Variants in TM7SF3 observed in about 807,000 individuals in gnomAD.
TM7SF3 encodes the protein seven span transmembrane protein.
In TM7SF3, 60 loss-of-function variants were observed where a neutral mutation model predicts 65.5. That is an observed-to-expected ratio of 0.92 (90% confidence interval 0.74 to 1.14). TM7SF3 has a LOEUF of 1.14. TM7SF3 is among the 50% of genes most tolerant of loss of function. The pLI, the probability that TM7SF3 is intolerant of heterozygous loss-of-function variation, is 0.00. For missense variants in TM7SF3, 623 were observed against 684.8 expected (o/e 0.91, Z 1.01); for synonymous variants, 264 against 259.6 (o/e 1.02, Z -0.16).
At chr12:27,009,516 A>G (rs1196890704) in intron 1 of TM7SF3, among the ~76,000 whole-genome samples, 1 of 152,016 alleles carries the variant, frequency 6.6e-6, no homozygotes, top group Non-Finnish European at 1.5e-5. Flanking sequence ...AGAATACGTA[A>G]TGTTTCTTGA....
Position 27,012,771 on chromosome 12 carries a change from G to A in TM7SF3, c.91+1307C>T, listed in dbSNP as rs762775206. ...TCCCAGCACTCTGGGAGGCCAAGGCGGGCAGATCACGAGGTCAGGAGTTCG... is the reference window on the plus strand; with the variant it reads ...TCCCAGCACTCTGGGAGGCCAAGGCAGGCAGATCACGAGGTCAGGAGTTCG... On this transcript the variant is annotated intron_variant, in intron 1 of 11. Coordinates refer to ENST00000343028, the MANE Select transcript of TM7SF3 (RefSeq NM_016551.3). 1.1e-4 allele frequency: 51 copies of A among 455,020 alleles called. 1 individual carries two copies. Among genetic ancestry groups the A allele is most frequent in the South Asian group, 6.7e-4 (43 of 64,450 alleles). 28.2% of individuals were successfully genotyped at this position (455,020 alleles called of 1,614,324 possible). A position where few individuals can be genotyped will look rare whatever the true frequency, so the allele number is the denominator to read the frequency against.
At chr12:26,989,668 T>TACACACACACACAC (rs144274236) in intron 6 of TM7SF3, among the ~76,000 whole-genome samples, 1 of 150,244 alleles carries the variant, frequency 6.7e-6, no homozygotes, top group African/African-American at 2.4e-5. Context: ...AACTGCTAAA[T>TACACACACACACAC]ACACACACAC....
intron 1 of TM7SF3, among the ~76,000 whole-genome samples, chr12:27,003,996 T>C (rs1940935287): frequency 6.6e-6 from 1 of 152,162 alleles, no homozygotes; most frequent in Non-Finnish European, 1.5e-5. Flanking sequence ...CACATAAAAT[T>C]GTGAACCACA....
chr12:27,000,603 G>A (rs1184264534), intron 2 of TM7SF3, among the ~76,000 whole-genome samples: 6 of 152,018 alleles, frequency 3.9e-5, no homozygotes, highest in Non-Finnish European at 8.8e-5. Context: ...GGGACTACAG[G>A]CGCCTGCCAC....
intron 6 of TM7SF3, among the ~76,000 whole-genome samples, chr12:26,984,737 A>G (rs1939968786): frequency 6.6e-6 from 1 of 152,214 alleles, no homozygotes; most frequent in Admixed American, 6.5e-5. Flanking sequence ...GGAGAGAAAC[A>G]ATTATACAAG....
chr12:26,979,981 TC>T (rs1443505548), intron 8 of TM7SF3, 45 bp from the exon 9 acceptor site: 3 of 1,611,210 alleles, frequency 1.9e-6, no homozygotes, highest in South Asian at 1.1e-5. Context: ...CGGCAGTACT[TC>T]CAACCGCGTG....
At chr12:27,000,534 A>T (rs1940787687) in intron 2 of TM7SF3, among the ~76,000 whole-genome samples, 1 of 152,026 alleles carries the variant, frequency 6.6e-6, no homozygotes, top group African/African-American at 2.4e-5. Flanking sequence ...ATCTCAGCTT[A>T]CTACAAGCTC....
intron 1 of TM7SF3, among the ~76,000 whole-genome samples, chr12:27,006,851 A>G (rs9651825): frequency 0.25 from 37,711 of 152,178 alleles, 4,926 homozygotes; most frequent in African/African-American, 0.27. Context: ...TATTCACCCA[A>G]TCTCCTATTA....
intron 1 of TM7SF3, among the ~76,000 whole-genome samples, chr12:27,011,352 A>G (rs142530439): frequency 5.5e-4 from 84 of 152,354 alleles, no homozygotes; most frequent in African/African-American, 2.4e-5. Flanking sequence ...CAAATGAAAG[A>G]TGTTAAAGGC....
chr12:26,996,569 C>T (rs1036533814), intron 4 of TM7SF3, among the ~76,000 whole-genome samples, 173 bp downstream of exon 4: 1 of 152,200 alleles, frequency 6.6e-6, no homozygotes, highest in Admixed American at 6.5e-5. Context: ...AAAATATTAA[C>T]TGTAAATGAC....
At position 26,998,173 on chromosome 12, in the gene TM7SF3, CCTT is replaced by C. The variant is rs377262345; in HGVS notation, c.398-1314_398-1312del. ...GCAGAAACTCCAGGCTTTCTTCCTA[CCTT>C]CTTGACTACTCCACAGTGTTGTGCT... On this transcript the variant is annotated intron_variant, in intron 3 of 11. Transcript: ENST00000343028. Among the ~76,000 whole-genome samples the C allele has an allele frequency of 3.4e-3, 517 of 152,254 alleles. 4 individuals are homozygous for C. Among genetic ancestry groups the C allele is most frequent in the Middle Eastern group, 0.01 (3 of 294 alleles).
At chr12:27,006,429 G>A (rs1272709665) in intron 1 of TM7SF3, among the ~76,000 whole-genome samples, 3 of 151,888 alleles carry the variant, frequency 2.0e-5, no homozygotes, top group Admixed American at 2.0e-4. Flanking sequence ...GAGCCACCAC[G>A]CCAGGCCAAC....
chr12:26,986,617 C>T (rs1360790366), intron 6 of TM7SF3, among the ~76,000 whole-genome samples: 2 of 152,018 alleles, frequency 1.3e-5, no homozygotes, highest in East Asian at 1.9e-4. Flanking sequence ...CAGCGGGATA[C>T]GGCTCTAGCA....
At chr12:26,990,319 C>T in intron 6 of TM7SF3, 131 bp downstream of exon 6, 1 of 617,444 alleles carries the variant, frequency 1.6e-6, no homozygotes, top group Non-Finnish European at 2.8e-6. Flanking sequence ...CTGCTATGTC[C>T]CAGTGCCTAG....
At chr12:27,006,484 A>C (rs1164764964) in intron 1 of TM7SF3, among the ~76,000 whole-genome samples, 1 of 152,198 alleles carries the variant, frequency 6.6e-6, no homozygotes, top group Non-Finnish European at 1.5e-5. Context: ...CACTAGAAAA[A>C]AAAAGGGACA....
At position 26,973,045 on chromosome 12, in the gene TM7SF3, T is replaced by A. The variant is rs1346268741; in HGVS notation, c.*920A>T. On this transcript the variant is annotated 3_prime_UTR_variant, in exon 12 of 12. Transcript: ENST00000343028. ...AACATGAATAAGAAGGTAAATTTCA[T>A]GTGTATTTTATCACAACTTAAAAAT... 3 of 152,038 alleles carry A rather than the reference T, an allele frequency of 2.0e-5. No individual in the cohort carries two copies. Among genetic ancestry groups the A allele is most frequent in the African/African-American group, 7.3e-5 (3 of 41,358 alleles). 9.4% of individuals were successfully genotyped at this position (152,038 alleles called of 1,614,324 possible). A position where few individuals can be genotyped will look rare whatever the true frequency, so the allele number is the denominator to read the frequency against.
chr12:26,996,702 T>A, intron 4 of TM7SF3, 40 bp downstream of exon 4: 1 of 1,585,228 alleles, frequency 6.3e-7, no homozygotes, highest in South Asian at 1.2e-5. Flanking sequence ...TCGTCATGTA[T>A]ATTCTAAAAG....
chr12:26,999,587 C>T lies in TM7SF3; in HGVS notation c.336G>A (p.Leu112=). Residue 112 remains leucine, a synonymous_variant, in exon 3 of 12, where the codon TTG becomes TTA. Transcript: ENST00000343028. ...RPEQSTCTWY[L]GTSGIQPVQN... The stretch of plus-strand genomic sequence containing the variant: ...GGACAGGCTGTATGCCTGAAGTCCC[C>T]AAGTACCAAGTGCATGTACTCTGCT... The T allele has an allele frequency of 6.2e-7, 1 of 1,614,076 alleles. No individual in the cohort carries two copies. The highest frequency in any genetic ancestry group is 8.5e-7 in the Non-Finnish European group (1 of 1,179,970).
At chr12:26,992,624 T>C (rs923424509) in intron 5 of TM7SF3, among the ~76,000 whole-genome samples, 1 of 152,216 alleles carries the variant, frequency 6.6e-6, no homozygotes, top group Admixed American at 6.5e-5. Flanking sequence ...ATTGCTTATG[T>C]AATTTATTGA....
Sources: gnomAD v4.1 joint callset for allele counts (sites outside exome capture counted in the v4.1 genomes callset) on GRCh38, gnomAD v4.1.1 for gene constraint, MANE v1.5 for transcripts, NCBI Gene and HGNC (gene_info 2026-07-23, HGNC 2026-07-21) for gene names.